SUGCT: variants seen among roughly 807,000 people sequenced by gnomAD.
SUGCT encodes the protein succinyl-CoA:glutarate CoA-transferase.
A neutral mutation model predicts 55.0 loss-of-function variants in SUGCT; 41 were observed. That is an observed-to-expected ratio of 0.74 (90% CI 0.58 to 0.97). The LOEUF is 0.97. Ranked by LOEUF, SUGCT falls within the 50% of genes least tolerant of loss-of-function variation. SUGCT has a pLI of 0.00. For missense variants in SUGCT, 568 were observed against 547.8 expected, an observed-to-expected ratio of 1.04 and a Z score of -0.37; for synonymous variants, 187 against 200.4, an observed-to-expected ratio of 0.93 and a Z score of 0.56.
intron 8 of SUGCT, among the ~76,000 whole-genome samples, chr7:40,308,114 AGG>A (rs1448338541): frequency 1.3e-5 from 2 of 152,244 alleles, no homozygotes; most frequent in Non-Finnish European, 2.9e-5. Flanking sequence ...AAGTAAGTAC[AGG>A]GGATAGTAGA....
At chr7:40,529,554 C>T (rs1426788551) in intron 12 of SUGCT, among the ~76,000 whole-genome samples, 3 of 152,188 alleles carry the variant, frequency 2.0e-5, no homozygotes, top group Non-Finnish European at 4.4e-5. Context: ...CTGCGCAGAT[C>T]GCAGGACATT....
intron 12 of SUGCT, among the ~76,000 whole-genome samples, chr7:40,646,370 T>G (rs951230489): frequency 6.6e-6 from 1 of 152,224 alleles, no homozygotes; most frequent in Non-Finnish European, 1.5e-5. Context: ...AAAATGTAAT[T>G]TAAATAGCTG....
At chr7:41,018,565 C>T in the SUGCT span, among the ~76,000 whole-genome samples, 3 of 152,164 alleles carry the variant, frequency 2.0e-5, no homozygotes. Flanking sequence ...GGATATTTTA[C>T]TGAGTTGCGA....
chr7:40,696,243 C>T (rs755660974), intron 12 of SUGCT, among the ~76,000 whole-genome samples: 2 of 152,172 alleles, frequency 1.3e-5, no homozygotes, highest in Non-Finnish European at 2.9e-5. Flanking sequence ...ATACCTGTGC[C>T]GTTATCCTAG....
intron 12 of SUGCT, among the ~76,000 whole-genome samples, chr7:40,560,460 A>G (rs75924875): frequency 0.016 from 2,418 of 152,276 alleles, 34 homozygotes; most frequent in Non-Finnish European, 0.024. Flanking sequence ...CTTTTTCCAC[A>G]CAAGACAGAA....
At chr7:40,291,379 A>G in intron 8 of SUGCT, among the ~76,000 whole-genome samples, 1 of 150,804 alleles carries the variant, frequency 6.6e-6, no homozygotes, top group Non-Finnish European at 1.5e-5. Context: ...ACTGGAAACC[A>G]TCATTCTCAG....
intron 12 of SUGCT, among the ~76,000 whole-genome samples, chr7:40,504,306 G>C (rs1027075607): frequency 6.6e-6 from 1 of 152,248 alleles, no homozygotes; most frequent in South Asian, 2.1e-4. Context: ...GTACTGCCTG[G>C]ATAATTTTGT....
Position 40,703,061 on chromosome 7 carries a change from C to CTT in SUGCT, c.1090-46354_1090-46353dup, listed in dbSNP as rs58887234. Among the ~76,000 whole-genome samples the CTT allele has an allele frequency of 5.9e-4, 68 of 115,760 alleles. 1 individual carries two copies. Among genetic ancestry groups the CTT allele is most frequent in the Admixed American group, 1.9e-3 (21 of 11,232 alleles). 75.9% of individuals were successfully genotyped at this position (115,760 alleles called of 152,430 possible). A position where few individuals can be genotyped will look rare whatever the true frequency, so the allele number is the denominator to read the frequency against. ...TGTGTCTGTGTGTGTTTCAGCCTAG[C>CTT]TTTTTTTTTTTTTTTTTTTTGAGAC... On this transcript the variant is annotated intron_variant, in intron 12 of 13. Transcript: ENST00000335693.
chr7:40,302,800 T>C (rs1794615806), intron 8 of SUGCT, among the ~76,000 whole-genome samples: 1 of 152,150 alleles, frequency 6.6e-6, no homozygotes, highest in Non-Finnish European at 1.5e-5. Flanking sequence ...TGCCAGAGGA[T>C]GGGACTCTTA....
At chr7:40,963,727 G>A in the SUGCT span, among the ~76,000 whole-genome samples, 4 of 121,586 alleles carry the variant, frequency 3.3e-5, no homozygotes, top group Non-Finnish European at 5.0e-5. Context: ...TCATCAATGT[G>A]TATTCATTCT....
At chr7:40,875,710 G>T in the SUGCT span, among the ~76,000 whole-genome samples, 1 of 152,192 alleles carries the variant, frequency 6.6e-6, no homozygotes, top group Non-Finnish European at 1.5e-5. Flanking sequence ...AACCTTTACA[G>T]AATCTATAAG....
intron 12 of SUGCT, among the ~76,000 whole-genome samples, chr7:40,589,466 CA>C (rs1327854248): frequency 6.6e-6 from 1 of 152,106 alleles, no homozygotes; most frequent in African/African-American, 2.4e-5. Context: ...GCCAAGTCCT[CA>C]CATGGTAAAG....
intron 9 of SUGCT, among the ~76,000 whole-genome samples, chr7:40,440,739 T>C (rs2151410459): frequency 6.6e-6 from 1 of 152,204 alleles, no homozygotes; most frequent in Middle Eastern, 3.4e-3. Flanking sequence ...TGTCCACCTC[T>C]CCTAAGATCT....
intron 13 of SUGCT, among the ~76,000 whole-genome samples, chr7:40,834,354 C>T (rs1037682983): frequency 5.9e-5 from 9 of 152,210 alleles, no homozygotes; most frequent in East Asian, 1.9e-4. Context: ...TTGGAGGCCA[C>T]GCTTTTGCAT....
chr7:40,915,835 G>C, the SUGCT span, among the ~76,000 whole-genome samples: 9 of 152,302 alleles, frequency 5.9e-5, no homozygotes, highest in South Asian at 1.9e-3. Flanking sequence ...TACATGCATT[G>C]AATCAATGAT....
Position 40,317,251 on chromosome 7 carries a change from C to T in SUGCT, c.816+396C>T, listed in dbSNP as rs1054833933. ...ACCCCATCTGACAATAATATTCTCA[C>T]AGGATTGAAGTAAAATGAAAATTTG... On this transcript the variant is annotated intron_variant, in intron 9 of 13. Transcript: ENST00000335693. 2.2e-4 allele frequency among the ~76,000 whole-genome samples: 33 copies of T among 151,908 alleles called. 2 individuals carry two copies. Among genetic ancestry groups the T allele is most frequent in the Non-Finnish European group, 4.4e-5 (3 of 67,990 alleles).
chr7:40,913,722 C>T, the SUGCT span, among the ~76,000 whole-genome samples: 1 of 152,144 alleles, frequency 6.6e-6, no homozygotes, highest in African/African-American at 2.4e-5. Flanking sequence ...TGTGGGCTCG[C>T]TGGATTCAGA....
the SUGCT span, among the ~76,000 whole-genome samples, chr7:40,875,093 A>G: frequency 7.9e-5 from 12 of 152,212 alleles, no homozygotes; most frequent in African/African-American, 2.7e-4. Context: ...CTTTTCTACT[A>G]TTAACCCTTT....
chr7:41,035,122 C>G, the SUGCT span, among the ~76,000 whole-genome samples: 3 of 152,208 alleles, frequency 2.0e-5, no homozygotes, highest in Non-Finnish European at 4.4e-5. Context: ...GGCAAAGTAC[C>G]CAGTGCACAC....
Sources: gnomAD v4.1 joint callset for allele counts (sites outside exome capture counted in the v4.1 genomes callset) on GRCh38, gnomAD v4.1.1 for gene constraint, MANE v1.5 for transcripts, NCBI Gene and HGNC (gene_info 2026-07-23, HGNC 2026-07-21) for gene names.